The following KCNIP4 variants were observed in gnomAD, a reference collection of about 807,000 sequenced individuals.
The protein encoded by KCNIP4 is potassium voltage-gated channel interacting protein 4.
Under a neutral mutation model 34.0 loss-of-function variants are expected in KCNIP4, and 12 were observed. The ratio of observed to expected loss-of-function variants is 0.35; its 90% CI spans 0.23 to 0.57. The LOEUF is 0.57. Ranked by LOEUF, KCNIP4 falls within the 20% of genes least tolerant of loss-of-function variation. The pLI, the probability that KCNIP4 is intolerant of heterozygous loss-of-function variation, is 0.83. For synonymous variants in KCNIP4, 124 were observed against 102.2 expected, an observed-to-expected ratio of 1.21 and a Z score of -1.29; for missense variants, 238 against 311.7, an observed-to-expected ratio of 0.76 and a Z score of 1.78.
At chr4:20,804,576 C>A (rs1174024773) in intron 3 of KCNIP4, among the ~76,000 whole-genome samples, 10 of 151,824 alleles carry the variant, frequency 6.6e-5, no homozygotes, top group Admixed American at 6.6e-4. Flanking sequence ...TTCTCAAAAT[C>A]TTTTTCTCTA....
chr4:20,982,264 C>A (rs922055395), intron 1 of KCNIP4, among the ~76,000 whole-genome samples: 1 of 152,152 alleles, frequency 6.6e-6, no homozygotes, highest in Non-Finnish European at 1.5e-5. Context: ...CAGTACAATG[C>A]ACTGAAGTTG....
intron 1 of KCNIP4, among the ~76,000 whole-genome samples, chr4:21,452,117 G>A (rs358577): frequency 0.25 from 38,441 of 151,694 alleles, 5,020 homozygotes; most frequent in East Asian, 0.3. Flanking sequence ...CAGGGACGTA[G>A]GCACTGAGGG....
intron 1 of KCNIP4, among the ~76,000 whole-genome samples, chr4:21,015,527 TATATA>T (rs1185015061): frequency 5.1e-4 from 69 of 135,848 alleles, no homozygotes; most frequent in African/African-American, 1.9e-3. Context: ...CTATATATAA[TATATA>T]ATATATTATA....
intron 1 of KCNIP4, among the ~76,000 whole-genome samples, chr4:21,545,161 C>G (rs977633649): frequency 1.3e-5 from 2 of 152,094 alleles, no homozygotes; most frequent in African/African-American, 4.8e-5. Context: ...AAAAGACACT[C>G]CCATGACAGT....
intron 1 of KCNIP4, among the ~76,000 whole-genome samples, chr4:21,013,651 G>A (rs1739258776): frequency 6.6e-6 from 1 of 152,102 alleles, no homozygotes; most frequent in African/African-American, 2.4e-5. Flanking sequence ...ACAAGATAAA[G>A]CTTCTTTGAG....
chr4:21,604,278 C>T (rs984188496), intron 1 of KCNIP4, among the ~76,000 whole-genome samples: 1 of 152,032 alleles, frequency 6.6e-6, no homozygotes, highest in Non-Finnish European at 1.5e-5. Flanking sequence ...CAGATGAATG[C>T]CTACTTTTTG....
At chr4:21,568,136 T>C (rs1026080361) in intron 1 of KCNIP4, among the ~76,000 whole-genome samples, 3 of 152,136 alleles carry the variant, frequency 2.0e-5, no homozygotes, top group Non-Finnish European at 4.4e-5. Flanking sequence ...TATTATAATA[T>C]GGTAGACTTG....
intron 1 of KCNIP4, among the ~76,000 whole-genome samples, chr4:21,200,874 A>G (rs1162071476): frequency 6.6e-6 from 1 of 152,056 alleles, no homozygotes; most frequent in Non-Finnish European, 1.5e-5. Context: ...TGGTGACTCC[A>G]ATATTAAAAT....
intron 1 of KCNIP4, among the ~76,000 whole-genome samples, chr4:21,137,672 A>T (rs917825016): frequency 2.0e-5 from 3 of 152,076 alleles, no homozygotes; most frequent in Non-Finnish European, 4.4e-5. Flanking sequence ...CTGTTTCAGG[A>T]CTTACTACAA....
intron 1 of KCNIP4, among the ~76,000 whole-genome samples, chr4:21,025,614 T>C (rs961086170): frequency 4.8e-5 from 6 of 125,458 alleles, no homozygotes; most frequent in East Asian, 2.7e-4. Flanking sequence ...AGTGCAGTGG[T>C]GCGATTTCGC....
intron 3 of KCNIP4, among the ~76,000 whole-genome samples, chr4:20,803,989 A>C (rs958319376): frequency 4.6e-5 from 7 of 152,204 alleles, no homozygotes; most frequent in Non-Finnish European, 1.5e-5. Context: ...GATAGTGATT[A>C]CTTAATTCCC....
chr4:21,266,046 A>G (rs1761785299), intron 1 of KCNIP4, among the ~76,000 whole-genome samples: 2 of 152,212 alleles, frequency 1.3e-5, no homozygotes, highest in African/African-American at 4.8e-5. Context: ...GGTAGGTACT[A>G]TCAGTCCCAT....
chr4:21,038,894 T>G (rs773461443), intron 1 of KCNIP4, among the ~76,000 whole-genome samples: 2 of 152,176 alleles, frequency 1.3e-5, no homozygotes, highest in Non-Finnish European at 2.9e-5. Context: ...TCCAGCTCCT[T>G]CACAGTGTTC....
intron 1 of KCNIP4, among the ~76,000 whole-genome samples, chr4:21,726,069 A>G (rs1220989063): frequency 6.6e-6 from 1 of 152,146 alleles, no homozygotes; most frequent in African/African-American, 2.4e-5. Flanking sequence ...TATCAAGTTT[A>G]TTTGCCTAGA....
At chr4:21,847,895 T>A (rs1184395091) in intron 1 of KCNIP4, 2 of 152,124 alleles carry the variant, frequency 1.3e-5, no homozygotes, top group Non-Finnish European at 2.9e-5. Context: ...AATTGGTCAT[T>A]ATCCCTTCAC....
chr4:21,082,865 T>TTCTATCTAACTA (rs1553935263), intron 1 of KCNIP4, among the ~76,000 whole-genome samples: 12 of 147,570 alleles, frequency 8.1e-5, no homozygotes, highest in African/African-American at 3.0e-4. Context: ...TGCCAGGTTA[T>TTCTATCTAACTA]TCTATCTATC....
chr4:21,528,689 AAGAAAGAAAGAAAGAAAGAAAGAAAG>A (rs1736214472), intron 1 of KCNIP4, among the ~76,000 whole-genome samples: 1 of 1,784 alleles, frequency 5.6e-4, no homozygotes, highest in Non-Finnish European at 9.7e-4. Context: ...GAAAGAAAGA[AAGAAAGAAAGAAAGAAAGAAAGAAAG>A]AAAGAAAGAA....
chr4:21,321,101 A>C (rs567650271), intron 1 of KCNIP4, among the ~76,000 whole-genome samples: 1 of 152,178 alleles, frequency 6.6e-6, no homozygotes, highest in Admixed American at 6.5e-5. Context: ...ACTTCAAAAG[A>C]CCTCAGTAAG....
At chr4:21,940,130 T>C (rs577966158) in intron 1 of KCNIP4, among the ~76,000 whole-genome samples, 2 of 152,302 alleles carry the variant, frequency 1.3e-5, no homozygotes, top group Non-Finnish European at 2.9e-5. Context: ...ACTTCCAGTA[T>C]CAAAGAAGGT....
Sources: gnomAD v4.1 joint callset for allele counts (sites outside exome capture counted in the v4.1 genomes callset) on GRCh38, gnomAD v4.1.1 for gene constraint, MANE v1.5 for transcripts, NCBI Gene and HGNC (gene_info 2026-07-23, HGNC 2026-07-21) for gene names.